ZNF333: variants seen among roughly 807,000 people sequenced by gnomAD.
ZNF333 encodes the protein zinc finger protein 333.
A neutral mutation model predicts 76.1 loss-of-function variants in ZNF333; 61 were observed. The observed-to-expected ratio is 0.80, with a 90% confidence interval of 0.65 to 0.99. The LOEUF is 0.99. Among genes scored for constraint, ZNF333 ranks in the 50% least tolerant of loss-of-function variants. The pLI, the probability that ZNF333 is intolerant of heterozygous loss-of-function variation, is 0.00. For missense variants in ZNF333, 717 were observed against 822.4 expected, an observed-to-expected ratio of 0.87 and a Z score of 1.57; for synonymous variants, 284 against 305.0, an observed-to-expected ratio of 0.93 and a Z score of 0.72.
chr19:14,717,478 A>G (rs2042467600), intron 10 of ZNF333, 179 bp from the exon 11 acceptor site: 4 of 596,166 alleles, frequency 6.7e-6, no homozygotes, highest in African/African-American at 1.9e-5. Context: ...ATCTAGCCAC[A>G]CACCTTAAAA....
In ZNF333 at chr19:14,705,189, C is replaced by G. The variant is rs769162582; in HGVS notation, c.423+19C>G. 3.6e-5 allele frequency: 58 copies of G among 1,606,584 alleles called. No individual in the cohort carries two copies. Among genetic ancestry groups the G allele is most frequent in the Non-Finnish European group, 3.6e-5 (42 of 1,175,776 alleles). On this transcript the variant is annotated intron_variant, in intron 6 of 11. Coordinates refer to ENST00000292530, the MANE Select transcript of ZNF333 (RefSeq NM_032433.4). ...ATGCACGGTAAGCCTGGGAGAGGTT[C>G]ACTGTGATGGCACCAGGTGCAGTCA...
chr19:14,724,183 C>T (rs2042619764), downstream of ZNF333, among the ~76,000 whole-genome samples: 1 of 152,160 alleles, frequency 6.6e-6, no homozygotes, highest in Non-Finnish European at 1.5e-5. Context: ...AGATGCTTTG[C>T]CTCTAGCAGG....
chr19:14,724,067 G>C (rs550986303), downstream of ZNF333, among the ~76,000 whole-genome samples: 1 of 152,226 alleles, frequency 6.6e-6, no homozygotes, highest in African/African-American at 2.4e-5. Context: ...ACCCTGCAGG[G>C]TGTCTCCATC....
At chr19:14,698,899 GATATATATATATATATATATATAT>G (rs60299211) in intron 4 of ZNF333, among the ~76,000 whole-genome samples, 9,397 of 132,724 alleles carry the variant, frequency 0.071, 575 homozygotes, top group Non-Finnish European at 0.11. Flanking sequence ...CACAAATATA[GATATATATATATATATATATATAT>G]ATATATATAT....
chr19:14,733,093 A>G (rs1464871868), exon 12 of ZNF333: 2 of 152,272 alleles, frequency 1.3e-5, no homozygotes, highest in African/African-American at 2.4e-5. Context: ...TTAGCAGTCT[A>G]TATCAAGCAA....
At chr19:14,696,078 T>G (rs1973164062) in intron 4 of ZNF333, among the ~76,000 whole-genome samples, 2 of 151,916 alleles carry the variant, frequency 1.3e-5, no homozygotes. Context: ...GGCTGAGGCA[T>G]GAGAATTGCT....
chr19:14,727,204 A>AT (rs1568566428), intron 11 of ZNF333, among the ~76,000 whole-genome samples: 2 of 151,614 alleles, frequency 1.3e-5, no homozygotes, highest in South Asian at 2.1e-4. Context: ...ATTTTTTTGT[A>AT]TTTTTAGTAG....
intron 4 of ZNF333, among the ~76,000 whole-genome samples, chr19:14,697,357 CTTTTT>C (rs139125023): frequency 2.2e-5 from 2 of 90,828 alleles, no homozygotes; most frequent in South Asian, 3.6e-4. Context: ...TTTTTCTTTT[CTTTTT>C]TTTTTTTTTT....
rs1015826402 is a variant in ZNF333 at position 14,695,449 on chromosome 19, C to T, written c.128-117C>T. The T allele has an allele frequency of 7.7e-5, 79 of 1,027,814 alleles. No homozygotes were observed. The African/African-American group carries it at 1.2e-3, about 16-fold the overall frequency. The allele number at this position is 1,027,814 out of a possible 1,614,324, so 63.7% of individuals were successfully genotyped here. A position where few individuals can be genotyped will look rare whatever the true frequency, so the allele number is the denominator to read the frequency against. ...TTTGCTACCCATCACACTTGCTCAG[C>T]CCAGAGAATCTGAAGCCCATATTGA... On this transcript the variant is annotated intron_variant, in intron 3 of 11. Coordinates refer to ENST00000292530, the MANE Select transcript of ZNF333 (RefSeq NM_032433.4).
At chr19:14,706,633 G>A in intron 6 of ZNF333, 53 bp from the exon 7 acceptor site, 1 of 1,427,064 alleles carries the variant, frequency 7.0e-7, no homozygotes, top group Non-Finnish European at 9.9e-7. Context: ...GCAGGTGTGA[G>A]TGGCCCCCTC....
rs60299211 is a variant in ZNF333 at position 14,698,899 on chromosome 19, GATAT to G, written c.224-266_224-263del. Among the ~76,000 whole-genome samples, 166 of 132,696 alleles carry G rather than the reference GATAT, an allele frequency of 1.3e-3. 1 individual carries two copies. The highest frequency in any genetic ancestry group is 8.1e-3 in the Middle Eastern group (2 of 246). The allele number at this position is 132,696 out of a possible 152,430, so 87.1% of individuals were successfully genotyped here. A position where few individuals can be genotyped will look rare whatever the true frequency, so the allele number is the denominator to read the frequency against. On this transcript the variant is annotated intron_variant, in intron 4 of 11. Transcript: ENST00000292530. ...ATGTGTGTACACACACACAAATATA[GATAT>G]ATATATATATATATATATATATATA... is the stretch of plus-strand genomic sequence containing the variant.
At chr19:14,699,437 T>A in intron 5 of ZNF333, 156 bp downstream of exon 5, 1 of 648,670 alleles carries the variant, frequency 1.5e-6, no homozygotes, top group South Asian at 1.8e-5. Flanking sequence ...ACTTCTGAAT[T>A]TGGGCAAACC....
intron 5 of ZNF333, among the ~76,000 whole-genome samples, chr19:14,704,651 C>A (rs919641717): frequency 2.0e-5 from 3 of 152,168 alleles, no homozygotes; most frequent in Non-Finnish European, 4.4e-5. Flanking sequence ...AGTAAAGAGA[C>A]CTTGTGCAGG....
downstream of ZNF333, among the ~76,000 whole-genome samples, chr19:14,724,081 T>C (rs2042619160): frequency 1.3e-5 from 2 of 152,164 alleles, no homozygotes; most frequent in Admixed American, 1.3e-4. Flanking sequence ...CTCCATCTTT[T>C]GGTGTACTGC....
rs1363433996 is a variant in ZNF333 at position 14,727,518 on chromosome 19, C to A, written c.901-3657C>A. 3.3e-5 allele frequency among the ~76,000 whole-genome samples: 5 copies of A among 152,254 alleles called. No individual in the cohort carries two copies. In the East Asian group the frequency reaches 9.6e-4, roughly 29 times the overall value. ...AGACGTTCCATACTCTTTTAAACAACCTGATCTGGTGTGAACTACCAGAGC... is the reference window on the plus strand; with the variant it reads ...AGACGTTCCATACTCTTTTAAACAAACTGATCTGGTGTGAACTACCAGAGC... On this transcript the variant is annotated intron_variant, in intron 11 of 11. Coordinates refer to the ZNF333 transcript ENST00000540689.
At position 14,719,391 on chromosome 19, in the gene ZNF333, C is replaced by T; in HGVS notation, c.*66C>T. 1 of 1,457,950 alleles carries T rather than the reference C, an allele frequency of 6.9e-7. No individual in the cohort carries two copies. Among genetic ancestry groups the T allele is most frequent in the South Asian group, 1.4e-5 (1 of 72,962 alleles). 90.3% of individuals were successfully genotyped at this position (1,457,950 alleles called of 1,614,324 possible). A position where few individuals can be genotyped will look rare whatever the true frequency, so the allele number is the denominator to read the frequency against. Reference sequence around the variant, plus strand: ...TTCCCTCGTAATACTCCTTTAGCTGCATCCTGTGTTTCAATGTATAATATT... The same window carrying T: ...TTCCCTCGTAATACTCCTTTAGCTGTATCCTGTGTTTCAATGTATAATATT... On this transcript the variant is annotated 3_prime_UTR_variant, in exon 12 of 12. Transcript: ENST00000292530.
intron 7 of ZNF333, among the ~76,000 whole-genome samples, chr19:14,711,272 G>A (rs761231197): frequency 7.2e-5 from 11 of 152,094 alleles, no homozygotes; most frequent in Non-Finnish European, 1.5e-4. Context: ...TTAGGGGGGC[G>A]GGAACCTTCC....
intron 9 of ZNF333, 49 bp downstream of exon 9, chr19:14,716,287 C>A: frequency 6.3e-7 from 1 of 1,583,254 alleles, no homozygotes; most frequent in South Asian, 1.1e-5. Context: ...GAGACAGAGT[C>A]TTGCTCTGTT....
At chr19:14,704,154 C>T (rs1281847836) in intron 5 of ZNF333, among the ~76,000 whole-genome samples, 2 of 152,088 alleles carry the variant, frequency 1.3e-5, no homozygotes, top group Non-Finnish European at 2.9e-5. Flanking sequence ...TCTTCAGGGG[C>T]TCTGTCCTAA....
Sources: gnomAD v4.1 joint callset for allele counts (sites outside exome capture counted in the v4.1 genomes callset) on GRCh38, gnomAD v4.1.1 for gene constraint, MANE v1.5 for transcripts, NCBI Gene and HGNC (gene_info 2026-07-23, HGNC 2026-07-21) for gene names.